Variants in CD226 observed in about 807,000 individuals in gnomAD.
CD226 encodes the protein CD226 molecule.
Under a neutral mutation model 34.9 loss-of-function variants are expected in CD226, and 24 were observed. That is an observed-to-expected ratio of 0.69 (90% CI 0.50 to 0.97). The LOEUF is 0.97. Among genes scored for constraint, CD226 ranks in the 50% least tolerant of loss-of-function variants. The pLI is 0.00. For synonymous variants in CD226, 148 were observed against 147.4 expected, an observed-to-expected ratio of 1.00 and a Z score of -0.03; for missense variants, 397 against 412.7, an observed-to-expected ratio of 0.96 and a Z score of 0.33.
chr18:69,876,184 C>A (rs889473999), intron 3 of CD226, among the ~76,000 whole-genome samples: 2 of 151,866 alleles, frequency 1.3e-5, no homozygotes, highest in South Asian at 2.1e-4. Flanking sequence ...TGTGATCAGG[C>A]AAATACAGTA....
intron 3 of CD226, among the ~76,000 whole-genome samples, chr18:69,892,378 G>T (rs1984954125): frequency 6.6e-6 from 1 of 152,124 alleles, no homozygotes; most frequent in African/African-American, 2.4e-5. Flanking sequence ...AAAATCCAGA[G>T]GATGTTAAGG....
rs1387623308 is a variant in CD226 at position 69,860,126 on chromosome 18, A to G, written c.*4188T>C. 6.6e-6 allele frequency: 1 copy of G among 152,212 alleles called. No individual in the cohort carries two copies. The highest frequency in any genetic ancestry group is 1.5e-5 in the Non-Finnish European group (1 of 68,034). 9.4% of individuals were successfully genotyped at this position (152,212 alleles called of 1,614,324 possible). ...AGAACATTGCATTGAGATAAAAATT[A>G]CAATGTATCATTGATTTGAATTTTT... is the stretch of plus-strand genomic sequence containing the variant. On this transcript the variant is annotated 3_prime_UTR_variant, in exon 6 of 6. Transcript: ENST00000582621.
intron 3 of CD226, among the ~76,000 whole-genome samples, chr18:69,886,362 C>G (rs139061073): frequency 2.5e-4 from 38 of 152,282 alleles, no homozygotes; most frequent in African/African-American, 8.9e-4. Flanking sequence ...CCCTGTGACA[C>G]GTAATTCTTA....
At chr18:69,868,124 G>A (rs902811150) in intron 4 of CD226, among the ~76,000 whole-genome samples, 1 of 152,160 alleles carries the variant, frequency 6.6e-6, no homozygotes, top group Non-Finnish European at 1.5e-5. Context: ...AACCTAACCA[G>A]GGGAATCATA....
rs1261602435 is a variant in CD226 at position 69,857,697 on chromosome 18, T to A, written c.*6617A>T. On this transcript the variant is annotated 3_prime_UTR_variant, in exon 6 of 6. Transcript: ENST00000582621. ...GGCAATACAACACAAGGCTTCCTTT[T>A]CAGGAATTTGGAGAACTTATGCTTG... 7 of 152,222 alleles carry A rather than the reference T, an allele frequency of 4.6e-5. No homozygotes were observed. Among genetic ancestry groups the A allele is most frequent in the Admixed American group, 3.9e-4 (6 of 15,280 alleles). 9.4% of individuals were successfully genotyped at this position (152,222 alleles called of 1,614,324 possible).
chr18:69,869,862 G>A (rs1346641556), intron 4 of CD226, among the ~76,000 whole-genome samples: 1 of 141,584 alleles, frequency 7.1e-6, no homozygotes, highest in Non-Finnish European at 1.5e-5. Flanking sequence ...ATGCAATGCT[G>A]CAATCTCAGC....
chr18:69,904,893 A>G (rs2055232907), intron 2 of CD226, among the ~76,000 whole-genome samples: 1 of 152,218 alleles, frequency 6.6e-6, no homozygotes, highest in Non-Finnish European at 1.5e-5. Flanking sequence ...GATTAACACC[A>G]TCTCTAATGA....
upstream of CD226, among the ~76,000 whole-genome samples, chr18:69,959,867 A>G (rs1437700699): frequency 6.6e-6 from 1 of 152,164 alleles, no homozygotes; most frequent in Non-Finnish European, 1.5e-5. Context: ...GCAGGAAGAA[A>G]GCAGCGCCAC....
At chr18:69,876,957 A>T (rs1383181100) in intron 3 of CD226, among the ~76,000 whole-genome samples, 3 of 134,448 alleles carry the variant, frequency 2.2e-5, no homozygotes, top group Non-Finnish European at 4.6e-5. Flanking sequence ...TCCGCCTCCC[A>T]GGTTCAAGTG....
At chr18:69,870,053 C>T (rs1462521521) in intron 4 of CD226, among the ~76,000 whole-genome samples, 28 of 151,604 alleles carry the variant, frequency 1.8e-4, no homozygotes, top group Non-Finnish European at 3.7e-4. Flanking sequence ...CTGCCCACCT[C>T]GGCCTCCCAA....
intron 2 of CD226, among the ~76,000 whole-genome samples, chr18:69,897,406 G>T (rs1985361426): frequency 6.6e-6 from 1 of 152,184 alleles, no homozygotes; most frequent in Non-Finnish European, 1.5e-5. Context: ...TATTAGTGAT[G>T]AACACCTTCT....
chr18:69,930,248 T>A (rs187104025), intron 2 of CD226, among the ~76,000 whole-genome samples: 2 of 152,232 alleles, frequency 1.3e-5, no homozygotes, highest in Non-Finnish European at 2.9e-5. Flanking sequence ...GGATATGAGG[T>A]GTCTATTTTG....
intron 2 of CD226, among the ~76,000 whole-genome samples, chr18:69,946,314 G>A (rs1045330840): frequency 6.6e-6 from 1 of 151,950 alleles, no homozygotes; most frequent in African/African-American, 2.4e-5. Context: ...ACTTAGATTT[G>A]GTACTGTAGG....
intron 3 of CD226, among the ~76,000 whole-genome samples, chr18:69,893,450 ATAATT>A (rs911949755): frequency 5.3e-4 from 81 of 152,362 alleles, no homozygotes; most frequent in African/African-American, 1.9e-3. Flanking sequence ...CATTTTCTCT[ATAATT>A]TAAGATGTTT....
chr18:69,942,316 T>C (rs1465819402), intron 2 of CD226, among the ~76,000 whole-genome samples: 1 of 152,250 alleles, frequency 6.6e-6, no homozygotes, highest in African/African-American at 2.4e-5. Flanking sequence ...TTAATCCTCC[T>C]GCTAGCAGTG....
intron 2 of CD226, among the ~76,000 whole-genome samples, chr18:69,902,290 C>T (rs541844623): frequency 6.6e-6 from 1 of 152,222 alleles, no homozygotes; most frequent in African/African-American, 2.4e-5. Flanking sequence ...CTTGTTTCTT[C>T]TTCCCTATTC....
rs917108639 is a variant in CD226 at position 69,864,997 on chromosome 18, T to C, written c.886-558A>G. ...TTAAAAATTTAGATTGACCTTAGTG[T>C]TGTTGGTTTTTTTGAGTCAGAGTCT... On this transcript the variant is annotated intron_variant, in intron 5 of 5. Transcript: ENST00000582621. Among the ~76,000 whole-genome samples the C allele has an allele frequency of 2.6e-3, 394 of 152,218 alleles. 6 individuals are homozygous for C. The highest frequency in any genetic ancestry group is 8.8e-4 in the Non-Finnish European group (60 of 68,000).
At chr18:69,898,488 A>T (rs1985427619) in intron 2 of CD226, among the ~76,000 whole-genome samples, 1 of 152,118 alleles carries the variant, frequency 6.6e-6, no homozygotes, top group African/African-American at 2.4e-5. Context: ...TGCAGGAAGC[A>T]ATGGGGAAAA....
At chr18:69,924,128 C>A (rs1294998713) in intron 2 of CD226, among the ~76,000 whole-genome samples, 4 of 151,906 alleles carry the variant, frequency 2.6e-5, no homozygotes, top group Admixed American at 2.6e-4. Flanking sequence ...ATACCATAGA[C>A]CACCGAGCCA....
Sources: gnomAD v4.1 joint callset for allele counts (sites outside exome capture counted in the v4.1 genomes callset) on GRCh38, gnomAD v4.1.1 for gene constraint, MANE v1.5 for transcripts, NCBI Gene and HGNC (gene_info 2026-07-23, HGNC 2026-07-21) for gene names.